Variants in SLC24A3 observed in about 807,000 individuals in gnomAD.
The protein encoded by SLC24A3 is solute carrier family 24 member 3.
A neutral mutation model predicts 75.8 loss-of-function variants in SLC24A3; 28 were observed. The observed-to-expected ratio is 0.37, with a 90% CI of 0.27 to 0.51. The LOEUF is 0.51. Among genes scored for constraint, SLC24A3 ranks in the 20% least tolerant of loss-of-function variants. The probability of loss-of-function intolerance (pLI) is 0.94; values close to 1 mark genes in which losing one functional copy is unlikely to be tolerated. For synonymous variants in SLC24A3, 372 were observed against 334.1 expected, an observed-to-expected ratio of 1.11 and a Z score of -1.24; for missense variants, 663 against 847.8, an observed-to-expected ratio of 0.78 and a Z score of 2.71.
intron 6 of SLC24A3, among the ~76,000 whole-genome samples, chr20:19,588,595 G>T (rs1421586388): frequency 6.6e-6 from 1 of 152,200 alleles, no homozygotes; most frequent in Non-Finnish European, 1.5e-5. Context: ...TTAGAAAGTG[G>T]CTTATAGAGA....
chr20:19,487,830 T>C (rs1210254459), intron 2 of SLC24A3, among the ~76,000 whole-genome samples: 2 of 152,256 alleles, frequency 1.3e-5, no homozygotes, highest in Non-Finnish European at 2.9e-5. Context: ...TTTGAGGTCA[T>C]GAAGCTTTAT....
At chr20:19,356,698 G>A (rs1456278146) in intron 2 of SLC24A3, among the ~76,000 whole-genome samples, 10 of 152,132 alleles carry the variant, frequency 6.6e-5, no homozygotes, top group Admixed American at 2.0e-4. Flanking sequence ...TGGAATGGCT[G>A]GGGAATAAGG....
At chr20:19,608,140 T>G (rs1204788826) in intron 6 of SLC24A3, among the ~76,000 whole-genome samples, 4 of 152,240 alleles carry the variant, frequency 2.6e-5, no homozygotes, top group African/African-American at 9.6e-5. Flanking sequence ...GTGGACACAA[T>G]CTTCTCTTCT....
chr20:19,628,097 G>T (rs577768346), intron 6 of SLC24A3, among the ~76,000 whole-genome samples: 2 of 150,950 alleles, frequency 1.3e-5, no homozygotes, highest in Non-Finnish European at 3.0e-5. Flanking sequence ...CCAGCTACTC[G>T]GGAGACTGAG....
chr20:19,449,656 G>A (rs548509738), intron 2 of SLC24A3, among the ~76,000 whole-genome samples: 15 of 152,346 alleles, frequency 9.8e-5, no homozygotes, highest in Admixed American at 9.8e-4. Flanking sequence ...CAGATGAGAT[G>A]AATGAGAACT....
chr20:19,444,660 A>C (rs1419787576), intron 2 of SLC24A3, among the ~76,000 whole-genome samples: 1 of 152,160 alleles, frequency 6.6e-6, no homozygotes, highest in African/African-American at 2.4e-5. Context: ...TGCAATAAGT[A>C]GTGATGGTCC....
intron 2 of SLC24A3, among the ~76,000 whole-genome samples, chr20:19,301,608 A>G (rs562624112): frequency 3.9e-5 from 6 of 152,206 alleles, no homozygotes; most frequent in Non-Finnish European, 8.8e-5. Flanking sequence ...CCTTTGAGTT[A>G]TCTTGAATTC....
intron 2 of SLC24A3, among the ~76,000 whole-genome samples, chr20:19,410,003 C>T (rs1251739522): frequency 6.6e-6 from 1 of 151,988 alleles, no homozygotes; most frequent in Non-Finnish European, 1.5e-5. Context: ...ATACATGCAT[C>T]ACATCTAAAA....
chr20:19,348,980 A>G (rs1208598277), intron 2 of SLC24A3, among the ~76,000 whole-genome samples: 1 of 152,020 alleles, frequency 6.6e-6, no homozygotes, highest in Admixed American at 6.6e-5. Flanking sequence ...TTCATATGCA[A>G]TTTGTCTGTC....
chr20:19,304,958 CAAAGTA>C (rs1188556398), intron 2 of SLC24A3, among the ~76,000 whole-genome samples: 2 of 152,064 alleles, frequency 1.3e-5, no homozygotes, highest in Non-Finnish European at 2.9e-5. Context: ...TTTTTGAATG[CAAAGTA>C]ACAGTTGTGT....
rs112432038 is a variant in SLC24A3 at position 19,621,489 on chromosome 20, G to T, written c.613-32573G>T. Among the ~76,000 whole-genome samples, 18 of 152,332 alleles carry T rather than the reference G, an allele frequency of 1.2e-4. 1 individual carries two copies. Among genetic ancestry groups the T allele is most frequent in the African/African-American group, 3.8e-4 (16 of 41,580 alleles). On this transcript the variant is annotated intron_variant, in intron 6 of 16. Coordinates refer to ENST00000328041, the MANE Select transcript of SLC24A3 (RefSeq NM_020689.4). ...CTCTTGACCCTCTTGGTTAGAGTGT[G>T]TTGGTTCTCATCCCCTCGGGAATTT...
Position 19,573,158 on chromosome 20 carries a change from C to T in SLC24A3, c.349-6842C>T, listed in dbSNP as rs73900554. 7.2e-3 allele frequency among the ~76,000 whole-genome samples: 1,100 copies of T among 152,240 alleles called. 11 individuals carry two copies. The highest frequency in any genetic ancestry group is 0.025 in the African/African-American group (1,043 of 41,524). ...ATTGTCTGTGAAAACCGCTGACTGT[C>T]GATGCAACATAAAACAGCAGGGTTA... is the stretch of plus-strand genomic sequence containing the variant. On this transcript the variant is annotated intron_variant, in intron 3 of 16. Transcript: ENST00000328041.
intron 2 of SLC24A3, among the ~76,000 whole-genome samples, chr20:19,510,534 C>G (rs562118900): frequency 6.6e-6 from 1 of 152,314 alleles, no homozygotes; most frequent in Middle Eastern, 3.4e-3. Flanking sequence ...TTCCCAGATT[C>G]ATATGTTGAA....
At chr20:19,503,663 A>G (rs768656566) in intron 2 of SLC24A3, among the ~76,000 whole-genome samples, 1 of 152,226 alleles carries the variant, frequency 6.6e-6, no homozygotes, top group Non-Finnish European at 1.5e-5. Context: ...ACCAAAACTG[A>G]GAAGTAAGCA....
chr20:19,693,911 G>A (rs6081710), intron 13 of SLC24A3: 55,249 of 152,948 alleles, frequency 0.36, 10,489 homozygotes, highest in African/African-American at 0.46. Flanking sequence ...CATGGGGGAA[G>A]TGTACTCCAC....
rs117480602 is a variant in SLC24A3, at chr20:19,498,526, G to T, written c.272-16962G>T. On this transcript the variant is annotated intron_variant, in intron 2 of 16. Transcript: ENST00000328041. Reference sequence around the variant, plus strand: ...CTAGGGCTCCACTCAAGCCTGATTTGCCCTATGCAGCCTCACTCACTGTGC... The same window carrying T: ...CTAGGGCTCCACTCAAGCCTGATTTTCCCTATGCAGCCTCACTCACTGTGC... Among the ~76,000 whole-genome samples the T allele has an allele frequency of 7.9e-3, 1,181 of 150,002 alleles. 6 individuals are homozygous for T. Among genetic ancestry groups the T allele is most frequent in the Non-Finnish European group, 0.012 (835 of 67,802 alleles).
chr20:19,610,843 C>G (rs879633868), intron 6 of SLC24A3, among the ~76,000 whole-genome samples: 19 of 152,204 alleles, frequency 1.2e-4, no homozygotes, highest in Non-Finnish European at 2.6e-4. Context: ...CTGAGCACAT[C>G]CAGCCTGGCC....
intron 3 of SLC24A3, among the ~76,000 whole-genome samples, chr20:19,550,388 A>G (rs1347281424): frequency 2.0e-5 from 3 of 152,234 alleles, no homozygotes; most frequent in Non-Finnish European, 4.4e-5. Flanking sequence ...TGTAGCCTAT[A>G]GAACTTAGCA....
chr20:19,325,536 G>A (rs767578082), intron 2 of SLC24A3, among the ~76,000 whole-genome samples: 142 of 151,512 alleles, frequency 9.4e-4, no homozygotes, highest in Non-Finnish European at 1.8e-3. Flanking sequence ...TCTCAGAAGC[G>A]ATGGTGGTTT....
Sources: gnomAD v4.1 joint callset for allele counts (sites outside exome capture counted in the v4.1 genomes callset) on GRCh38, gnomAD v4.1.1 for gene constraint, MANE v1.5 for transcripts, NCBI Gene and HGNC (gene_info 2026-07-23, HGNC 2026-07-21) for gene names.